Variants in PI4K2B observed in about 807,000 individuals in gnomAD.
The protein encoded by PI4K2B is phosphatidylinositol 4-kinase type 2 beta.
In PI4K2B, 46 loss-of-function variants were observed where a neutral mutation model predicts 56.6. The ratio of observed to expected loss-of-function variants is 0.81; its 90% CI spans 0.64 to 1.04. The LOEUF (loss-of-function observed/expected upper bound fraction) is 1.04. PI4K2B is among the 50% of genes least tolerant of loss of function. PI4K2B has a pLI of 0.00. For missense variants in PI4K2B, 556 were observed against 607.7 expected (o/e 0.91, Z 0.89); for synonymous variants, 211 against 223.8 (o/e 0.94, Z 0.51).
intron 1 of PI4K2B, among the ~76,000 whole-genome samples, chr4:25,239,675 C>T (rs1577675249): frequency 6.6e-6 from 1 of 152,234 alleles, no homozygotes; most frequent in Non-Finnish European, 1.5e-5. Context: ...CAGAAAGGGG[C>T]TCCCACAGTG....
intron 1 of PI4K2B, among the ~76,000 whole-genome samples, chr4:25,245,773 G>A (rs1203987956): frequency 6.6e-6 from 1 of 152,178 alleles, no homozygotes; most frequent in Non-Finnish European, 1.5e-5. Flanking sequence ...CTCAGCGATA[G>A]GCGATGGTCT....
At chr4:25,245,994 C>T (rs997591614) in intron 1 of PI4K2B, among the ~76,000 whole-genome samples, 5 of 152,204 alleles carry the variant, frequency 3.3e-5, no homozygotes, top group African/African-American at 1.2e-4. Flanking sequence ...TGTTACAGTT[C>T]TTAAACGCAG....
chr4:25,234,549 G>A, intron 1 of PI4K2B, 118 bp downstream of exon 1: 2 of 703,288 alleles, frequency 2.8e-6, no homozygotes, highest in Non-Finnish European at 3.9e-6. Context: ...CCGCTCGCTG[G>A]GCAGCAGCTC....
intron 1 of PI4K2B, among the ~76,000 whole-genome samples, chr4:25,248,792 C>CTTTTAT (rs1281147277): frequency 6.6e-6 from 1 of 150,396 alleles, no homozygotes; most frequent in Non-Finnish European, 1.5e-5. Flanking sequence ...TTAGGAAAAT[C>CTTTTAT]TTTTATTTTT....
At position 25,277,368 on chromosome 4, in the gene PI4K2B, T is replaced by A; in HGVS notation, c.*181T>A. 3.3e-6 allele frequency: 2 copies of A among 605,672 alleles called. No homozygotes were observed. Among genetic ancestry groups the A allele is most frequent in the Non-Finnish European group, 5.2e-6 (2 of 386,884 alleles). The allele number at this position is 605,672 out of a possible 1,614,324, so 37.5% of individuals were successfully genotyped here. A position where few individuals can be genotyped will look rare whatever the true frequency, so the allele number is the denominator to read the frequency against. On this transcript the variant is annotated 3_prime_UTR_variant, in exon 10 of 10. Transcript: ENST00000264864. ...TTTGTCCAAATATTAAATTTCTATT[T>A]CAGGGAAGAAGTGCTATATCTCCTA...
At chr4:25,237,042 G>A (rs923961733) in intron 1 of PI4K2B, among the ~76,000 whole-genome samples, 1 of 152,108 alleles carries the variant, frequency 6.6e-6, no homozygotes, top group African/African-American at 2.4e-5. Flanking sequence ...CATTTATGAT[G>A]CTTAACTCTT....
chr4:25,253,206 A>G (rs982162860), intron 2 of PI4K2B, among the ~76,000 whole-genome samples: 36 of 152,176 alleles, frequency 2.4e-4, no homozygotes, highest in South Asian at 1.0e-3. Context: ...GCATTTTACC[A>G]GGGGAAGGAG....
In PI4K2B at chr4:25,252,398, G is replaced by A. The variant is rs1560372072; in HGVS notation, c.346G>A (p.Ala116Thr). Residue 116 changes from alanine to threonine, a missense_variant, in exon 2 of 10, where the codon GCA becomes ACA. Ala to Thr is a moderately conservative substitution (Grantham distance 58). Transcript: ENST00000264864. ...CGATATTATGCTGAGAGCAGAGCAA[G>A]CAATAGAAGTTGGAATTTTTCCAGA... is the stretch of plus-strand genomic sequence containing the variant. ...FADIMLRAEQ[A>T]IEVGIFPERI... The A allele has an allele frequency of 6.2e-7, 1 of 1,608,962 alleles. No homozygotes were observed. Among genetic ancestry groups the A allele is most frequent in the Non-Finnish European group, 8.5e-7 (1 of 1,175,328 alleles).
rs533886882 is a variant in PI4K2B at position 25,234,039 on chromosome 4, G to A, written c.-125G>A. ...CAACCGCTGGGCGGGCGCCAAGCGTGCCCGTGCGCTGGTGAGGTGGCGTCC... is the reference window on the plus strand; with the variant it reads ...CAACCGCTGGGCGGGCGCCAAGCGTACCCGTGCGCTGGTGAGGTGGCGTCC... On this transcript the variant is annotated 5_prime_UTR_variant, in exon 1 of 10. Coordinates refer to ENST00000264864, the MANE Select transcript of PI4K2B (RefSeq NM_018323.4). 1.5e-4 allele frequency: 126 copies of A among 836,382 alleles called. 1 individual carries two copies. In the African/African-American group the frequency reaches 1.8e-3, roughly 12 times the overall value. 51.8% of individuals were successfully genotyped at this position (836,382 alleles called of 1,614,324 possible). A position where few individuals can be genotyped will look rare whatever the true frequency, so the allele number is the denominator to read the frequency against.
At chr4:25,255,450 G>A (rs10010102) in intron 3 of PI4K2B, among the ~76,000 whole-genome samples, 185 bp downstream of exon 3, 3,244 of 124,842 alleles carry the variant, frequency 0.026, 37 homozygotes, top group Middle Eastern at 0.045. Flanking sequence ...AGTACTTAAA[G>A]GAATGTGTCT....
chr4:25,248,425 T>C (rs1715889922), intron 1 of PI4K2B, among the ~76,000 whole-genome samples: 1 of 152,104 alleles, frequency 6.6e-6, no homozygotes, highest in Non-Finnish European at 1.5e-5. Context: ...AGTTTCCTGG[T>C]TTCTTGGAGC....
chr4:25,277,150 C>A lies in PI4K2B; in HGVS notation c.1409C>A (p.Thr470Asn), dbSNP rs773635308. ...IVHLSNSFTQ[T>N]VNCRKPFFSS... is the part of the protein sequence containing the mutation. ...CACCTGAGCAATTCCTTTACCCAGA[C>A]TGTCAATTGCAGGAAGCCATTTTTT... The change falls in exon 10 of 10, where the codon ACT (threonine) becomes AAT (asparagine). Residue 470 changes from threonine to asparagine, a missense_variant. Physicochemically the swap from Thr to Asn is moderately conservative, Grantham distance 65. Transcript: ENST00000264864. The A allele has an allele frequency of 1.2e-6, 2 of 1,613,190 alleles. No homozygotes were observed. The highest frequency in any genetic ancestry group is 1.7e-6 in the Non-Finnish European group (2 of 1,179,356).
chr4:25,256,557 C>T lies in PI4K2B; in HGVS notation c.639C>T (p.Val213=), dbSNP rs769161530. Residue 213 remains valine, a synonymous_variant, in exon 4 of 10, where the codon GTC becomes GTT. Transcript: ENST00000264864. Reference sequence around the variant, plus strand: ...TATGTTTCTAGGTGGTTTGGCTTGTCAGTGAGACATTTAACTATAATGCGA... The same window carrying T: ...TATGTTTCTAGGTGGTTTGGCTTGTTAGTGAGACATTTAACTATAATGCGA... ...IVPKTKVVWL[V]SETFNYNAID... 6.2e-7 allele frequency: 1 copy of T among 1,612,860 alleles called. No homozygotes were observed. Among genetic ancestry groups the T allele is most frequent in the Non-Finnish European group, 8.5e-7 (1 of 1,179,644 alleles).
intron 1 of PI4K2B, among the ~76,000 whole-genome samples, chr4:25,236,226 TAAA>T (rs1204930811): frequency 1.4e-4 from 18 of 130,542 alleles, no homozygotes; most frequent in African/African-American, 5.4e-4. Flanking sequence ...AATAAATAAA[TAAA>T]TAAATAAATA....
At position 25,274,688 on chromosome 4, in the gene PI4K2B, C is replaced by A. The variant is rs148263139; in HGVS notation, c.1273-2326C>A. Among the ~76,000 whole-genome samples the A allele has an allele frequency of 1.3e-4, 20 of 152,278 alleles. No individual in the cohort carries two copies. The East Asian group carries it at 3.9e-3, about 29-fold the overall frequency. The stretch of plus-strand genomic sequence containing the variant: ...AAATAAATGCAGGATTATCAAGTGT[C>A]TTCTGAATTCCCGAAGAAATATTAA... On this transcript the variant is annotated intron_variant, in intron 9 of 9. Transcript: ENST00000264864.
At chr4:25,276,799 TTGTGTG>T (rs200843512) in intron 9 of PI4K2B, 2 of 965,728 alleles carry the variant, frequency 2.1e-6, no homozygotes, top group Non-Finnish European at 2.5e-6. Flanking sequence ...TTAATGCTAA[TTGTGTG>T]TGTGTGTGTG....
intron 3 of PI4K2B, 54 bp from the exon 4 acceptor site, chr4:25,256,489 A>C: frequency 6.5e-7 from 1 of 1,546,186 alleles, no homozygotes; most frequent in Non-Finnish European, 8.8e-7. Context: ...GTGTATATGA[A>C]AAGAGATACT....
intron 9 of PI4K2B, among the ~76,000 whole-genome samples, chr4:25,269,704 G>A (rs778980382): frequency 6.6e-6 from 1 of 151,414 alleles, no homozygotes; most frequent in Admixed American, 6.6e-5. Flanking sequence ...TATAAATTAG[G>A]TGGGTTTTTT....
intron 1 of PI4K2B, among the ~76,000 whole-genome samples, chr4:25,239,671 G>T (rs1715431183): frequency 6.6e-6 from 1 of 152,216 alleles, no homozygotes; most frequent in Non-Finnish European, 1.5e-5. Flanking sequence ...AGTCCAGAAA[G>T]GGGCTCCCAC....
Sources: gnomAD v4.1 joint callset for allele counts (sites outside exome capture counted in the v4.1 genomes callset) on GRCh38, gnomAD v4.1.1 for gene constraint, MANE v1.5 for transcripts, NCBI Gene and HGNC (gene_info 2026-07-23, HGNC 2026-07-21) for gene names.